The following MAD1L1 variants were observed in gnomAD, a reference collection of about 807,000 sequenced individuals.
MAD1L1 encodes the protein mitotic arrest deficient 1 like 1, also known as mitotic spindle assembly checkpoint protein MAD1.
A neutral mutation model predicts 96.9 loss-of-function variants in MAD1L1; 95 were observed. The ratio of observed to expected loss-of-function variants is 0.98; its 90% confidence interval spans 0.83 to 1.16. The LOEUF (loss-of-function observed/expected upper bound fraction) is 1.16, where lower values mean the gene tolerates loss of function less well. MAD1L1 is among the 50% of genes most tolerant of loss of function. The probability of loss-of-function intolerance (pLI) is 0.00; values close to 1 mark genes in which losing one functional copy is unlikely to be tolerated. For synonymous variants in MAD1L1, 473 were observed against 396.6 expected, an observed-to-expected ratio of 1.19 and a Z score of -2.29; for missense variants, 1,007 against 954.4, an observed-to-expected ratio of 1.06 and a Z score of -0.73.
chr7:1,820,406 A>G (rs1782062571), intron 18 of MAD1L1, among the ~76,000 whole-genome samples: 1 of 152,194 alleles, frequency 6.6e-6, no homozygotes, highest in Admixed American at 6.5e-5. Flanking sequence ...AGGAGGAGGA[A>G]ATAATACAAG....
intron 9 of MAD1L1, among the ~76,000 whole-genome samples, chr7:2,214,903 A>AT (rs1384300798): frequency 1.4e-4 from 21 of 152,246 alleles, no homozygotes; most frequent in Admixed American, 1.4e-3. Flanking sequence ...TCCTGCTGCA[A>AT]CCGAAACAGA....
intron 12 of MAD1L1, among the ~76,000 whole-genome samples, chr7:2,031,666 C>T (rs370983328): frequency 2.6e-4 from 40 of 152,376 alleles, no homozygotes; most frequent in Middle Eastern, 3.4e-3. Flanking sequence ...GACAGGAAGC[C>T]ATACCCAAGC....
chr7:2,201,604 C>A (rs1792303808), intron 10 of MAD1L1, among the ~76,000 whole-genome samples: 1 of 152,192 alleles, frequency 6.6e-6, no homozygotes, highest in Admixed American at 6.5e-5. Flanking sequence ...TAAAAAGAGA[C>A]CTATAAGTAG....
chr7:2,094,679 C>T (rs1002027450), intron 11 of MAD1L1, among the ~76,000 whole-genome samples: 1 of 151,638 alleles, frequency 6.6e-6, no homozygotes, highest in Admixed American at 6.6e-5. Flanking sequence ...GAGAAGGCCC[C>T]GGGACAGGAG....
chr7:2,095,266 G>A (rs1398051771), intron 11 of MAD1L1, among the ~76,000 whole-genome samples: 2 of 152,068 alleles, frequency 1.3e-5, no homozygotes, highest in Non-Finnish European at 2.9e-5. Flanking sequence ...GGATGGTCTC[G>A]ATCTCTTGAC....
At chr7:2,227,342 C>A (rs1793954737) in intron 3 of MAD1L1, among the ~76,000 whole-genome samples, 2 of 152,158 alleles carry the variant, frequency 1.3e-5, no homozygotes, top group South Asian at 4.1e-4. Flanking sequence ...TCAGGGCGTT[C>A]ACATGCACAT....
chr7:2,120,538 C>G (rs967089992), intron 11 of MAD1L1, among the ~76,000 whole-genome samples: 2 of 152,242 alleles, frequency 1.3e-5, no homozygotes, highest in Non-Finnish European at 2.9e-5. Flanking sequence ...AGCCCCACAC[C>G]CAGGGCGCTG....
intron 10 of MAD1L1, among the ~76,000 whole-genome samples, chr7:2,183,565 T>C (rs1010110955): frequency 2.2e-4 from 34 of 152,256 alleles, no homozygotes; most frequent in Non-Finnish European, 4.3e-4. Flanking sequence ...TGGAATACTA[T>C]GCAGCCATAA....
chr7:1,834,602 T>C (rs1260298739), intron 18 of MAD1L1, among the ~76,000 whole-genome samples: 1 of 152,272 alleles, frequency 6.6e-6, no homozygotes, highest in Non-Finnish European at 1.5e-5. Context: ...AATAACTCTA[T>C]GTCTATCAAG....
chr7:1,873,760 G>A (rs965876320), intron 18 of MAD1L1, among the ~76,000 whole-genome samples: 8 of 151,858 alleles, frequency 5.3e-5, no homozygotes, highest in East Asian at 2.0e-4. Context: ...CACCCCCACC[G>A]AAGCCCAAGC....
chr7:2,070,608 G>C (rs1785079267), intron 11 of MAD1L1, among the ~76,000 whole-genome samples: 1 of 152,274 alleles, frequency 6.6e-6, no homozygotes, highest in African/African-American at 2.4e-5. Context: ...GAGCGGAACG[G>C]CGCTGGAACA....
chr7:1,834,808 G>A (rs1355228680), intron 18 of MAD1L1, among the ~76,000 whole-genome samples: 1 of 151,922 alleles, frequency 6.6e-6, no homozygotes, highest in Non-Finnish European at 1.5e-5. Context: ...AACTCACTCT[G>A]TGAGACCAAC....
chr7:2,224,558 A>G (rs1314129214), intron 4 of MAD1L1, among the ~76,000 whole-genome samples: 1 of 152,152 alleles, frequency 6.6e-6, no homozygotes, highest in Non-Finnish European at 1.5e-5. Context: ...GGAAGACGTG[A>G]GCTATTTTTC....
chr7:2,056,032 G>A (rs533536503), intron 12 of MAD1L1, among the ~76,000 whole-genome samples: 8 of 152,312 alleles, frequency 5.3e-5, no homozygotes, highest in African/African-American at 1.7e-4. Context: ...AAGGCTGGCC[G>A]CATGGCCTGG....
intron 10 of MAD1L1, among the ~76,000 whole-genome samples, chr7:2,151,092 A>G (rs888187732): frequency 8.5e-5 from 13 of 152,214 alleles, no homozygotes; most frequent in African/African-American, 2.9e-4. Context: ...AAAGCTTCCA[A>G]CCTCAGGGAG....
At chr7:1,934,944 G>C (rs924430216) in intron 17 of MAD1L1, among the ~76,000 whole-genome samples, 1 of 151,612 alleles carries the variant, frequency 6.6e-6, no homozygotes, top group African/African-American at 2.4e-5. Context: ...CCCGAGACGG[G>C]CAGAGACCCA....
At chr7:1,899,385 T>C (rs7807014) in intron 17 of MAD1L1, among the ~76,000 whole-genome samples, 23,331 of 152,110 alleles carry the variant, frequency 0.15, 2,226 homozygotes, top group South Asian at 0.28. Flanking sequence ...CTGGGACTGC[T>C]CCAGGCGGGG....
intron 12 of MAD1L1, among the ~76,000 whole-genome samples, chr7:2,068,077 T>C (rs1385588664): frequency 6.6e-6 from 1 of 152,212 alleles, no homozygotes; most frequent in Non-Finnish European, 1.5e-5. Flanking sequence ...CAGGGCTGGG[T>C]GTCCCCTCTG....
intron 17 of MAD1L1, among the ~76,000 whole-genome samples, chr7:1,917,732 T>A (rs923842377): frequency 6.6e-6 from 1 of 152,170 alleles, no homozygotes; most frequent in Non-Finnish European, 1.5e-5. Context: ...TCCCTGTGGC[T>A]GGCACACGCT....
Sources: gnomAD v4.1 joint callset for allele counts (sites outside exome capture counted in the v4.1 genomes callset) on GRCh38, gnomAD v4.1.1 for gene constraint, MANE v1.5 for transcripts, NCBI Gene and HGNC (gene_info 2026-07-23, HGNC 2026-07-21) for gene names.